RSPH1: variants seen among roughly 807,000 people sequenced by gnomAD.
RSPH1 encodes the protein radial spoke head 1 homolog.
RSPH1 carries 32 observed loss-of-function variants against 44.2 expected under a neutral mutation model. The ratio of observed to expected loss-of-function variants is 0.72; its 90% CI spans 0.55 to 0.97. The LOEUF (loss-of-function observed/expected upper bound fraction) is 0.97, where lower values mean the gene tolerates loss of function less well. Among genes scored for constraint, RSPH1 ranks in the 50% least tolerant of loss-of-function variants. The pLI, the probability that RSPH1 is intolerant of heterozygous loss-of-function variation, is 0.00. For missense variants in RSPH1, 391 were observed against 398.7 expected (o/e 0.98, Z 0.16); for synonymous variants, 134 against 147.3 (o/e 0.91, Z 0.65).
At chr21:42,475,145 AG>A (rs1362990280) in intron 8 of RSPH1, among the ~76,000 whole-genome samples, 1 of 152,188 alleles carries the variant, frequency 6.6e-6, no homozygotes, top group Admixed American at 6.5e-5. Context: ...CAGGAGCCTG[AG>A]GCTTCAGTCA....
Position 42,496,144 on chromosome 21 carries a change from T to C in RSPH1, c.43A>G (p.Asn15Asp). Residue 15 changes from asparagine (N) to aspartate (D), a missense_variant, in exon 1 of 9, where the codon AAT (asparagine) becomes GAT (aspartate). Transcript: ENST00000291536. Reference protein sequence around the residue: ...GSEELEEEGENDIGEYEGGRN... With the variant: ...GSEELEEEGEDDIGEYEGGRN... ...CCAGGAGCTCTCACCCCAATATCAT[T>C]CTCTCCCTCCTCCTCCAACTCCTCC... The C allele has an allele frequency of 6.2e-7, 1 of 1,613,912 alleles. No homozygotes were observed. Among genetic ancestry groups the C allele is most frequent in the South Asian group, 1.1e-5 (1 of 91,070 alleles).
rs764989291 is a variant in RSPH1 at position 42,486,471 on chromosome 21, A to C, written c.275-10T>G. On this transcript the variant is annotated splice_polypyrimidine_tract_variant and intron_variant, in intron 3 of 8. Coordinates refer to ENST00000291536, the MANE Select transcript of RSPH1 (RefSeq NM_080860.4). ...TCATTTGCCCACTCTCCTGAAAGGA[A>C]CAACACAAAGGCAAGCCCAGGTGAG... 1.9e-6 allele frequency: 3 copies of C among 1,608,704 alleles called. No individual in the cohort carries two copies. Among genetic ancestry groups the C allele is most frequent in the Admixed American group, 1.7e-5 (1 of 60,000 alleles).
At position 42,492,745 on chromosome 21, in the gene RSPH1, G is replaced by C; in HGVS notation, c.274+13C>G. ...TCTGTAACACGAAAATCTGCTTAGT[G>C]ATAACATTTTACCTTCATATCTGGA... On this transcript the variant is annotated intron_variant, in intron 3 of 8. Coordinates refer to ENST00000291536, the MANE Select transcript of RSPH1 (RefSeq NM_080860.4). 6.7e-7 allele frequency: 1 copy of C among 1,495,558 alleles called. No individual in the cohort carries two copies. The highest frequency in any genetic ancestry group is 9.3e-7 in the Non-Finnish European group (1 of 1,077,266). The allele number at this position is 1,495,558 out of a possible 1,614,324, so 92.6% of individuals were successfully genotyped here.
intron 3 of RSPH1, among the ~76,000 whole-genome samples, chr21:42,491,663 G>T (rs2054237215): frequency 6.6e-6 from 1 of 152,116 alleles, no homozygotes; most frequent in East Asian, 1.9e-4. Flanking sequence ...TATCTAACAG[G>T]GATGGTATTA....
intron 6 of RSPH1, among the ~76,000 whole-genome samples, chr21:42,477,903 T>A (rs2054085661): frequency 6.6e-6 from 1 of 152,118 alleles, no homozygotes; most frequent in Non-Finnish European, 1.5e-5. Flanking sequence ...ATTATTTATA[T>A]TATTCTTTAT....
intron 1 of RSPH1, among the ~76,000 whole-genome samples, chr21:42,494,879 T>C (rs889797805): frequency 6.6e-6 from 1 of 152,130 alleles, no homozygotes; most frequent in East Asian, 1.9e-4. Context: ...TTTTGTATTT[T>C]AGTAGAGACA....
chr21:42,489,946 T>C (rs1186617992), intron 3 of RSPH1, among the ~76,000 whole-genome samples: 1 of 152,216 alleles, frequency 6.6e-6, no homozygotes, highest in Non-Finnish European at 1.5e-5. Flanking sequence ...CTCCACAATG[T>C]CATTCTTAAA....
rs2054025093 is a variant in RSPH1 at position 42,474,648 on chromosome 21, C to T, written c.877+1250G>A. Among the ~76,000 whole-genome samples, 4 of 152,246 alleles carry T rather than the reference C, an allele frequency of 2.6e-5. No homozygotes were observed. Among genetic ancestry groups the T allele is most frequent in the Admixed American group, 2.6e-4 (4 of 15,288 alleles). ...TGGACTCCCTACCTACCAGGGCTCA[C>T]TCTATCCACCCTCCCTGTGCAAGTC... On this transcript the variant is annotated intron_variant, in intron 8 of 8. Coordinates refer to ENST00000291536, the MANE Select transcript of RSPH1 (RefSeq NM_080860.4). This position sits in a 1 kb window ranked among gnomAD's most constrained non-coding sequence, Gnocchi z 5.2.
intron 6 of RSPH1, among the ~76,000 whole-genome samples, chr21:42,478,848 T>C (rs1335603699): frequency 6.6e-6 from 1 of 152,188 alleles, no homozygotes; most frequent in Non-Finnish European, 1.5e-5. Flanking sequence ...AACGTCGTGC[T>C]AAATGAAAGA....
chr21:42,481,939 G>A (rs776836839), intron 6 of RSPH1, among the ~76,000 whole-genome samples: 6 of 152,194 alleles, frequency 3.9e-5, no homozygotes, highest in South Asian at 2.1e-4. Flanking sequence ...CCAACGGCAC[G>A]TTCAGAGGAG....
Position 42,483,020 on chromosome 21 carries a change from C to T in RSPH1, c.502-312G>A, listed in dbSNP as rs560564814. Among the ~76,000 whole-genome samples, 10 of 151,778 alleles carry T rather than the reference C, an allele frequency of 6.6e-5. No homozygotes were observed. The East Asian group carries it at 1.9e-3, about 29-fold the overall frequency. ...ACTACTACTAATATTTTGATGCATTCTTTGTAACTTTGCTTCTAGTATACA... is the reference window on the plus strand; with the variant it reads ...ACTACTACTAATATTTTGATGCATTTTTTGTAACTTTGCTTCTAGTATACA... On this transcript the variant is annotated intron_variant, in intron 5 of 8. Coordinates refer to ENST00000291536, the MANE Select transcript of RSPH1 (RefSeq NM_080860.4).
chr21:42,477,065 T>C (rs1204432605), intron 7 of RSPH1, among the ~76,000 whole-genome samples: 1 of 112,938 alleles, frequency 8.9e-6, no homozygotes. Context: ...CTCTGCCCCC[T>C]CCACCCCACA....
rs770359437 is a variant in RSPH1 at position 42,486,441 on chromosome 21, G to A, written c.295C>T (p.Arg99Trp). 2.0e-5 allele frequency: 32 copies of A among 1,613,706 alleles called. No individual in the cohort carries two copies. Among genetic ancestry groups the A allele is most frequent in the South Asian group, 1.4e-4 (13 of 91,076 alleles). Reference protein sequence around the residue: ...RYEGEWANDLRHGHGVYYYIN... With the variant: ...RYEGEWANDLWHGHGVYYYIN... ...TAGTAGTATACGCCATGGCCGTGCC[G>A]CAGGTCATTTGCCCACTCTCCTGAA... The change falls in exon 4 of 9, where the codon CGG becomes TGG. Residue 99 changes from arginine to tryptophan, a missense_variant. Transcript: ENST00000291536.
intron 1 of RSPH1, among the ~76,000 whole-genome samples, chr21:42,495,505 A>G (rs1484548721): frequency 2.0e-5 from 3 of 152,212 alleles, no homozygotes; most frequent in Middle Eastern, 3.2e-3. Context: ...ATTCCCACAC[A>G]GAACCCAGCT....
chr21:42,493,378 C>T (rs974641378), intron 1 of RSPH1, among the ~76,000 whole-genome samples: 3 of 152,176 alleles, frequency 2.0e-5, no homozygotes, highest in East Asian at 1.9e-4. Flanking sequence ...GCAAGGTTAA[C>T]CAATTTGTGA....
intron 3 of RSPH1, among the ~76,000 whole-genome samples, chr21:42,490,246 A>C (rs2054223692): frequency 6.6e-6 from 1 of 151,800 alleles, no homozygotes; most frequent in Admixed American, 6.6e-5. Context: ...TGGCTCCTGG[A>C]CTCCCTAATT....
chr21:42,490,863 T>C (rs35050509), intron 3 of RSPH1, among the ~76,000 whole-genome samples: 152,284 of 152,284 alleles, frequency 1, 76,142 homozygotes, highest in Non-Finnish European at 1. Context: ...CCACCAACTT[T>C]TGGTAAAGAA....
Position 42,486,444 on chromosome 21 carries a change from G to T in RSPH1, c.292C>A (p.Leu98Met). The change falls in exon 4 of 9, where the codon CTG becomes ATG. Residue 98 changes from leucine to methionine, a missense_variant. Leu to Met is a conservative substitution (Grantham distance 15, BLOSUM62 2). Coordinates refer to ENST00000291536, the MANE Select transcript of RSPH1 (RefSeq NM_080860.4). Reference sequence around the variant, plus strand: ...TAGTATACGCCATGGCCGTGCCGCAGGTCATTTGCCCACTCTCCTGAAAGG... The same window carrying T: ...TAGTATACGCCATGGCCGTGCCGCATGTCATTTGCCCACTCTCCTGAAAGG... ...SRYEGEWAND[L>M]RHGHGVYYYI... 5 of 1,613,876 alleles carry T rather than the reference G, an allele frequency of 3.1e-6. No homozygotes were observed. The highest frequency in any genetic ancestry group is 4.2e-6 in the Non-Finnish European group (5 of 1,179,752).
At position 42,492,500 on chromosome 21, in the gene RSPH1, T is replaced by G. The variant is rs1233736666; in HGVS notation, c.274+258A>C. Among the ~76,000 whole-genome samples, 3 of 152,316 alleles carry G rather than the reference T, an allele frequency of 2.0e-5. No individual in the cohort carries two copies. The East Asian group carries it at 5.8e-4, about 29-fold the overall frequency. On this transcript the variant is annotated intron_variant, in intron 3 of 8. Transcript: ENST00000291536. ...CTGCGTCCACTCAGGAGCCTCCCTT[T>G]TGTCTGCTCCCAGGACATGGACATG...
Sources: allele counts gnomAD v4.1 joint callset (sites outside exome capture counted in the v4.1 genomes callset), GRCh38; gene constraint gnomAD v4.1.1; non-coding constraint Gnocchi (gnomAD v3.1); transcripts MANE v1.5; gene names NCBI Gene and HGNC (gene_info 2026-07-23, HGNC 2026-07-21).